The following RYR1 variants were observed in gnomAD, a reference collection of about 807,000 sequenced individuals.
RYR1 encodes ryanodine receptor 1, also known as central core disease of muscle.
Under a neutral mutation model 583.5 loss-of-function variants are expected in RYR1, and 342 were observed. That is an observed-to-expected ratio of 0.59 (90% CI 0.54 to 0.64). The LOEUF is 0.64. RYR1 is among the 30% of genes least tolerant of loss of function. RYR1 has a pLI of 0.00. For missense variants in RYR1, 6,032 were observed against 6,917.2 expected, an observed-to-expected ratio of 0.87 and a Z score of 4.54; for synonymous variants, 2,791 against 2,822.5, an observed-to-expected ratio of 0.99 and a Z score of 0.35.
In RYR1 at chr19:38,502,814, A is replaced by AGGAGCAGGG; in HGVS notation, c.7836-65_7836-64insGAGCAGGGG. 9 of 690,450 alleles carry AGGAGCAGGG rather than the reference A, an allele frequency of 1.3e-5. 1 individual carries two copies. The highest frequency in any genetic ancestry group is 4.4e-5 in the South Asian group (2 of 45,256). 42.8% of individuals were successfully genotyped at this position (690,450 alleles called of 1,614,324 possible). On this transcript the variant is annotated intron_variant, in intron 48 of 105. Transcript: ENST00000359596. ...GGGCAGGGGCAGGGGCAGGGGGAGG[A>AGGAGCAGGG]GCAGGGGCAGGGGCAGCAGAGCGGG...
chr19:38,577,005 C>T (rs1199170368), intron 97 of RYR1, among the ~76,000 whole-genome samples: 2 of 152,024 alleles, frequency 1.3e-5, no homozygotes, highest in Non-Finnish European at 2.9e-5. Context: ...CCTGCCTCAG[C>T]CTCCCGAGTA....
intron 78 of RYR1, 39 bp downstream of exon 78, chr19:38,532,775 G>A: frequency 1.9e-6 from 3 of 1,590,560 alleles, no homozygotes; most frequent in South Asian, 2.2e-5. Flanking sequence ...AAGGGATGGG[G>A]GACCCTGACT....
chr19:38,504,138 C>A, intron 49 of RYR1, 82 bp from the exon 50 acceptor site: 1 of 1,456,272 alleles, frequency 6.9e-7, no homozygotes, highest in Non-Finnish European at 9.4e-7. Context: ...CACTGGCATG[C>A]CTGTGTCTCT....
At chr19:38,504,654 G>A (rs563523971) in intron 50 of RYR1, 94 bp from the exon 51 acceptor site, 8 of 1,526,532 alleles carry the variant, frequency 5.2e-6, no homozygotes, top group Admixed American at 5.1e-5. Flanking sequence ...GGTTCAGGGA[G>A]GAGGGCTGAT....
chr19:38,513,209 C>T (rs181423990), intron 63 of RYR1, among the ~76,000 whole-genome samples: 39 of 152,130 alleles, frequency 2.6e-4, no homozygotes, highest in East Asian at 2.3e-3. Context: ...TGGTGGTGGT[C>T]GCCTATAATC....
At chr19:38,571,867 A>G (rs1973728894) in intron 94 of RYR1, 152 bp from the exon 95 acceptor site, 3 of 1,074,808 alleles carry the variant, frequency 2.8e-6, no homozygotes, top group African/African-American at 3.1e-5. Context: ...TTTGCTAGCT[A>G]CAGCCCTAGG....
Position 38,572,001 on chromosome 19 carries a change from T to C in RYR1, c.13747-18T>C, listed in dbSNP as rs1466058095. ...TGCATGTGGCAGACCCACAGATGAATCTCTGTCCCCATTTCAGGTCTCAGA... is the reference window on the plus strand; with the variant it reads ...TGCATGTGGCAGACCCACAGATGAACCTCTGTCCCCATTTCAGGTCTCAGA... On this transcript the variant is annotated intron_variant, in intron 94 of 105. Coordinates refer to ENST00000359596, the MANE Select transcript of RYR1 (RefSeq NM_000540.3). 3 of 1,613,544 alleles carry C rather than the reference T, an allele frequency of 1.9e-6. No individual in the cohort carries two copies. The highest frequency in any genetic ancestry group is 1.3e-5 in the African/African-American group (1 of 74,878).
intron 87 of RYR1, among the ~76,000 whole-genome samples, chr19:38,546,238 G>C (rs1038141893): frequency 6.6e-5 from 10 of 151,436 alleles, no homozygotes; most frequent in African/African-American, 2.4e-4. Context: ...TATCGAGCCC[G>C]TCCCCCAAGT....
chr19:38,437,952 A>C (rs1972498407), intron 1 of RYR1, among the ~76,000 whole-genome samples: 2 of 149,286 alleles, frequency 1.3e-5, no homozygotes. Flanking sequence ...GTACCACTGC[A>C]CTCCACCCCA....
In RYR1 at chr19:38,528,361, A is replaced by G. The variant is rs1382147804; in HGVS notation, c.10880A>G (p.Gln3627Arg). The G allele has an allele frequency of 1.9e-6, 3 of 1,613,978 alleles. No individual in the cohort carries two copies. The highest frequency in any genetic ancestry group is 1.7e-6 in the Non-Finnish European group (2 of 1,180,008). ...GTGTGGCACAAGCTTTTGTCCAAAC[A>G]GCGCCGGCGGGCAGTCGTGGCCTGT... ...KAVWHKLLSK[Q>R]RRRAVVACFR... The change falls in exon 74 of 106, where the codon CAG becomes CGG. Residue 3627 changes from glutamine (Q) to arginine (R), a missense_variant. Gln to Arg is a conservative substitution (Grantham distance 43). Coordinates refer to ENST00000359596, the MANE Select transcript of RYR1 (RefSeq NM_000540.3).
At chr19:38,466,633 C>T (rs1463068812) in intron 24 of RYR1, among the ~76,000 whole-genome samples, 1 of 151,952 alleles carries the variant, frequency 6.6e-6, no homozygotes, top group Middle Eastern at 3.4e-3. Context: ...TTCCGAGTAG[C>T]TGGGATTACC....
chr19:38,537,139 C>T, intron 83 of RYR1: 1 of 339,994 alleles, frequency 2.9e-6, no homozygotes, highest in South Asian at 3.8e-5. Flanking sequence ...CTACTCTGCT[C>T]TCTGCACCCC....
At chr19:38,551,110 T>G (rs1319030516) in intron 89 of RYR1, among the ~76,000 whole-genome samples, 1 of 139,710 alleles carries the variant, frequency 7.2e-6, no homozygotes, top group Non-Finnish European at 1.5e-5. Flanking sequence ...TGCAATGGTA[T>G]GATCTTGGCT....
At position 38,444,220 on chromosome 19, in the gene RYR1, G is replaced by A. The variant is rs193922755; in HGVS notation, c.496G>A (p.Asp166Asn). Residue 166 changes from aspartate to asparagine, a missense_variant, in exon 6 of 106, where the codon GAT (aspartate) becomes AAT (asparagine). Around this residue, in one of 11 missense-constraint regions of RYR1, gnomAD observed 338 missense variants for 441.6 expected, o/e 0.77. Transcript: ENST00000359596. This position sits in a 1 kb window ranked among gnomAD's most constrained non-coding sequence, Gnocchi z 5.1. ...TGAAGGAGAAAAGGTCCGCGTTGGG[G>A]ATGACATCATCCTTGTCAGTGTCTC... ...RSEGEKVRVGDDIILVSVSSE... is the reference protein window; with the variant it reads ...RSEGEKVRVGNDIILVSVSSE... 6.2e-7 allele frequency: 1 copy of A among 1,614,094 alleles called. No individual in the cohort carries two copies. Among genetic ancestry groups the A allele is most frequent in the Non-Finnish European group, 8.5e-7 (1 of 1,179,990 alleles).
intron 28 of RYR1, among the ~76,000 whole-genome samples, chr19:38,474,647 T>C (rs1440418042): frequency 7.0e-6 from 1 of 142,690 alleles, no homozygotes; most frequent in Non-Finnish European, 1.5e-5. Flanking sequence ...CGATCTTGGC[T>C]CTCTGCAATC....
intron 20 of RYR1, among the ~76,000 whole-genome samples, chr19:38,463,182 AC>A (rs1199462027): frequency 1.8e-5 from 2 of 111,754 alleles, no homozygotes; most frequent in African/African-American, 7.1e-5. Context: ...TGCTGGGATT[AC>A]AGATGTGAGC....
At chr19:38,545,964 C>T (rs1342647122) in intron 87 of RYR1, among the ~76,000 whole-genome samples, 6 of 152,154 alleles carry the variant, frequency 3.9e-5, no homozygotes, top group Non-Finnish European at 5.9e-5. Flanking sequence ...TCCCCGCAGA[C>T]GGCTTACCAG....
chr19:38,447,988 G>A (rs1966883044), intron 9 of RYR1, among the ~76,000 whole-genome samples: 5 of 152,062 alleles, frequency 3.3e-5, no homozygotes, highest in Admixed American at 2.6e-4. Flanking sequence ...CTGGAAAAAC[G>A]AGGGCACTGG....
chr19:38,468,030 C>T, intron 25 of RYR1: 1 of 445,576 alleles, frequency 2.2e-6, no homozygotes, highest in South Asian at 2.1e-5. Context: ...ACAATTCATC[C>T]ATCCATCCAT....
Sources: gnomAD v4.1 joint callset for allele counts (sites outside exome capture counted in the v4.1 genomes callset) on GRCh38, gnomAD v4.1.1 for gene constraint, gnomAD v4.1.1 regional missense constraint, Gnocchi (gnomAD v3.1) non-coding constraint, MANE v1.5 for transcripts, NCBI Gene and HGNC (gene_info 2026-07-23, HGNC 2026-07-21) for gene names.